Variants in NNT observed in about 807,000 individuals in gnomAD.
NNT encodes the protein NAD(P) transhydrogenase, mitochondrial.
Under a neutral mutation model 104.8 loss-of-function variants are expected in NNT, and 50 were observed. That is an observed-to-expected ratio of 0.48 (90% CI 0.38 to 0.60). The LOEUF (loss-of-function observed/expected upper bound fraction) is 0.60, where lower values mean the gene tolerates loss of function less well. Ranked by LOEUF, NNT falls within the 20% of genes least tolerant of loss-of-function variation. The pLI, the probability that NNT is intolerant of heterozygous loss-of-function variation, is 0.00. For synonymous variants in NNT, 461 were observed against 490.4 expected (o/e 0.94, Z 0.79); for missense variants, 1,131 against 1,330.7 (o/e 0.85, Z 2.33).
rs1327549716 is a variant in NNT at position 43,698,063 on chromosome 5, A to G, written c.2877-2056A>G. The stretch of plus-strand genomic sequence containing the variant: ...TAGACCTTGGAAAAAAATGAGGTGG[A>G]GTTTCTCTTTGGATATATACACACA... On this transcript the variant is annotated intron_variant, in intron 19 of 21. Coordinates refer to ENST00000344920, the MANE Select transcript of NNT (RefSeq NM_182977.3). Among the ~76,000 whole-genome samples the G allele has an allele frequency of 3.3e-5, 5 of 151,770 alleles. No homozygotes were observed. In the East Asian group the frequency reaches 9.6e-4, roughly 29 times the overall value.
intron 18 of NNT, among the ~76,000 whole-genome samples, chr5:43,676,858 A>G (rs1741440917): frequency 6.6e-6 from 1 of 152,182 alleles, no homozygotes; most frequent in Admixed American, 6.5e-5. Context: ...ATTTGTTTTT[A>G]GGACTTAGAG....
chr5:43,641,841 T>C (rs903231364), intron 7 of NNT, among the ~76,000 whole-genome samples: 1 of 152,216 alleles, frequency 6.6e-6, no homozygotes, highest in African/African-American at 2.4e-5. Flanking sequence ...AACTTATCTC[T>C]GTTAAGATGC....
intron 4 of NNT, among the ~76,000 whole-genome samples, chr5:43,617,077 TG>T (rs1181849777): frequency 6.6e-6 from 1 of 152,230 alleles, no homozygotes; most frequent in Non-Finnish European, 1.5e-5. Flanking sequence ...GATTCTACTT[TG>T]TGTTTTAGCT....
rs140019758 is a variant in NNT at position 43,655,555 on chromosome 5, C to G, written c.2060-285C>G. Reference sequence around the variant, plus strand: ...TGAATTTTGTGTTTAGACCTGGGTCCCATTCCCAAGATATCTTATTATGTA... The same window carrying G: ...TGAATTTTGTGTTTAGACCTGGGTCGCATTCCCAAGATATCTTATTATGTA... On this transcript the variant is annotated intron_variant, in intron 14 of 21. Transcript: ENST00000344920. Among the ~76,000 whole-genome samples, 102 of 151,930 alleles carry G rather than the reference C, an allele frequency of 6.7e-4. 2 individuals carry two copies. The highest frequency in any genetic ancestry group is 2.1e-3 in the African/African-American group (88 of 41,440).
chr5:43,695,324 G>C (rs1165668482), intron 19 of NNT, among the ~76,000 whole-genome samples: 1 of 152,156 alleles, frequency 6.6e-6, no homozygotes, highest in Non-Finnish European at 1.5e-5. Flanking sequence ...AGAGTGGGGA[G>C]GCCTGGCTTG....
At chr5:43,681,872 T>G (rs1741737347) in intron 19 of NNT, among the ~76,000 whole-genome samples, 1 of 152,198 alleles carries the variant, frequency 6.6e-6, no homozygotes, top group South Asian at 2.1e-4. Context: ...TATTAACAGA[T>G]CAATCAATGA....
intron 17 of NNT, among the ~76,000 whole-genome samples, chr5:43,672,818 CAG>C (rs1424306101): frequency 3.3e-5 from 5 of 152,238 alleles, no homozygotes; most frequent in Non-Finnish European, 7.3e-5. Context: ...AGCTGTCAGA[CAG>C]GGACATGTAA....
chr5:43,677,399 TGAGAGAGA>T (rs111577191), intron 18 of NNT, among the ~76,000 whole-genome samples: 66 of 138,634 alleles, frequency 4.8e-4, no homozygotes, highest in Admixed American at 1.7e-3. Context: ...TTTAAAAACA[TGAGAGAGA>T]GAGAGAGAGA....
intron 17 of NNT, among the ~76,000 whole-genome samples, chr5:43,671,716 A>AT (rs1741102887): frequency 6.6e-6 from 1 of 151,414 alleles, no homozygotes; most frequent in East Asian, 1.9e-4. Context: ...TGCCCTTAAC[A>AT]TTTTTTCCTT....
chr5:43,629,339 G>A (rs1226476781), intron 7 of NNT, among the ~76,000 whole-genome samples: 2 of 152,156 alleles, frequency 1.3e-5, no homozygotes, highest in Admixed American at 1.3e-4. Context: ...ATTCCATGGT[G>A]TGTGTATATA....
chr5:43,612,262 G>C (rs1579972026), intron 2 of NNT, among the ~76,000 whole-genome samples: 2 of 152,294 alleles, frequency 1.3e-5, no homozygotes, highest in African/African-American at 2.4e-5. Context: ...GGCCAACATA[G>C]AGCGTCCTTG....
intron 19 of NNT, among the ~76,000 whole-genome samples, chr5:43,687,608 G>C (rs62368575): frequency 1.3e-5 from 2 of 151,974 alleles, no homozygotes; most frequent in Non-Finnish European, 2.9e-5. Flanking sequence ...CAAAACATTG[G>C]CATTCTCTTG....
intron 18 of NNT, 32 bp downstream of exon 18, chr5:43,675,702 T>A (rs1211033380): frequency 6.8e-7 from 1 of 1,477,986 alleles, no homozygotes. Flanking sequence ...AAATAACCTA[T>A]AATAGCTGTT....
At chr5:43,607,407 C>T (rs574163757) in intron 1 of NNT, among the ~76,000 whole-genome samples, 2 of 152,252 alleles carry the variant, frequency 1.3e-5, no homozygotes, top group South Asian at 4.1e-4. Flanking sequence ...CTTGTGACCC[C>T]CACCACTGTC....
intron 17 of NNT, among the ~76,000 whole-genome samples, chr5:43,666,217 G>A (rs79644293): frequency 0.034 from 5,144 of 152,252 alleles, 137 homozygotes; most frequent in East Asian, 0.12. Context: ...CTGCAATCTC[G>A]GCACTTTGGG....
chr5:43,640,880 C>T (rs1219248150), intron 7 of NNT, among the ~76,000 whole-genome samples: 1 of 150,682 alleles, frequency 6.6e-6, no homozygotes, highest in African/African-American at 2.4e-5. Context: ...ATTTTCATAT[C>T]TATTGATGTT....
chr5:43,657,691 G>A (rs533618411), intron 16 of NNT, among the ~76,000 whole-genome samples: 2 of 152,238 alleles, frequency 1.3e-5, no homozygotes, highest in African/African-American at 4.8e-5. Flanking sequence ...ACACTGAAAA[G>A]TAAATTAAAA....
At chr5:43,661,563 C>A (rs1247079204) in intron 17 of NNT, among the ~76,000 whole-genome samples, 1 of 107,372 alleles carries the variant, frequency 9.3e-6, no homozygotes, top group Non-Finnish European at 1.8e-5. Flanking sequence ...CTCCCCCCTC[C>A]CCCCACCCCA....
chr5:43,681,695 C>T (rs1330938353), intron 19 of NNT, among the ~76,000 whole-genome samples: 4 of 152,146 alleles, frequency 2.6e-5, no homozygotes, highest in South Asian at 2.1e-4. Context: ...CCACCGCACC[C>T]GGCCTCAACT....
Sources: gnomAD v4.1 joint callset for allele counts (sites outside exome capture counted in the v4.1 genomes callset) on GRCh38, gnomAD v4.1.1 for gene constraint, MANE v1.5 for transcripts, NCBI Gene and HGNC (gene_info 2026-07-23, HGNC 2026-07-21) for gene names.